CYP4F8: variants seen among roughly 807,000 people sequenced by gnomAD.
The protein encoded by CYP4F8 is cytochrome P450 family 4 subfamily F member 8, also known as cytochrome P450 4F8.
A neutral mutation model predicts 55.0 loss-of-function variants in CYP4F8; 56 were observed. The observed-to-expected ratio is 1.02, with a 90% CI of 0.82 to 1.27. CYP4F8 has a LOEUF of 1.27. Ranked by LOEUF, CYP4F8 falls within the 50% of genes most tolerant of loss-of-function variation. The pLI, the probability that CYP4F8 is intolerant of heterozygous loss-of-function variation, is 0.00. For missense variants in CYP4F8, 680 were observed against 682.4 expected, an observed-to-expected ratio of 1.00 and a Z score of 0.04; for synonymous variants, 288 against 267.3, an observed-to-expected ratio of 1.08 and a Z score of -0.76.
intron 2 of CYP4F8, among the ~76,000 whole-genome samples, chr19:15,616,041 C>T (rs1972114198): frequency 1.4e-5 from 2 of 142,970 alleles, no homozygotes; most frequent in Admixed American, 7.0e-5. Context: ...CATTCCTCTG[C>T]GCACTCACTC....
chr19:15,629,191 A>G lies in CYP4F8; in HGVS notation c.1398-2A>G. ...AGTCAGACCTTCCACCTTGGCCCCC[A>G]GGAACTGCATCGGGCAGAAGTTCGC... On this transcript the variant is annotated splice_acceptor_variant, in intron 12 of 12. Transcript: ENST00000612078. LOFTEE classifies it high-confidence loss of function. 6.2e-7 allele frequency: 1 copy of G among 1,603,536 alleles called. No homozygotes were observed. Among genetic ancestry groups the G allele is most frequent in the Non-Finnish European group, 8.5e-7 (1 of 1,175,052 alleles).
At chr19:15,622,808 G>C in intron 6 of CYP4F8, 1 of 476,904 alleles carries the variant, frequency 2.1e-6, no homozygotes, top group South Asian at 2.2e-5. Flanking sequence ...AAGGATGCCA[G>C]GGAGAGGAGG....
rs1568380994 is a variant in CYP4F8 at position 15,616,274 on chromosome 19, G to GCTCACTCATTCCTCTCCTCA, written c.198+479_198+480insACTCACTCATTCCTCTCCTC. ...TCCTCGCTCACTCATTCCTCTCCTC[G>GCTCACTCATTCCTCTCCTCA]CTCACTCATTCCTCTCCTCGCTCAC... On this transcript the variant is annotated intron_variant, in intron 2 of 12. Transcript: ENST00000612078. Among the ~76,000 whole-genome samples, 73 of 115,134 alleles carry GCTCACTCATTCCTCTCCTCA rather than the reference G, an allele frequency of 6.3e-4. 1 individual carries two copies. The highest frequency in any genetic ancestry group is 1.3e-3 in the Non-Finnish European group (69 of 54,612). The allele number at this position is 115,134 out of a possible 152,430, so 75.5% of individuals were successfully genotyped here.
At chr19:15,619,215 T>C in intron 3 of CYP4F8, 1 of 421,598 alleles carries the variant, frequency 2.4e-6, no homozygotes. Flanking sequence ...TGCTTGGGTG[T>C]TGCAGAACAT....
chr19:15,628,893 T>A, intron 12 of CYP4F8, 50 bp downstream of exon 12: 1 of 1,521,846 alleles, frequency 6.6e-7, no homozygotes, highest in South Asian at 1.2e-5. Context: ...GTGGCACAGA[T>A]GGCTGCCTTG....
chr19:15,619,232 C>T, intron 3 of CYP4F8: 1 of 462,756 alleles, frequency 2.2e-6, no homozygotes, highest in Non-Finnish European at 3.9e-6. Flanking sequence ...ACATGTTGGA[C>T]CATGTAGGAG....
chr19:15,622,382 G>C (rs547414339), intron 6 of CYP4F8, 42 bp downstream of exon 6: 4 of 1,593,666 alleles, frequency 2.5e-6, no homozygotes, highest in South Asian at 2.2e-5. Flanking sequence ...GATGGAGTGG[G>C]GGTGTGGGTG....
chr19:15,629,542 T>C lies in CYP4F8; in HGVS notation c.*184T>C, dbSNP rs1046048609. On this transcript the variant is annotated 3_prime_UTR_variant, in exon 13 of 13. Transcript: ENST00000612078. ...GGGAAGAGGCGGGGAGATGTCTCTG[T>C]GCCCAAGATACTCACTGCCTCTCTG... is the stretch of plus-strand genomic sequence containing the variant. The C allele has an allele frequency of 9.8e-6, 8 of 814,926 alleles. No homozygotes were observed. Among genetic ancestry groups the C allele is most frequent in the African/African-American group, 1.8e-5 (1 of 57,100 alleles). 50.5% of individuals were successfully genotyped at this position (814,926 alleles called of 1,614,324 possible).
intron 2 of CYP4F8, among the ~76,000 whole-genome samples, chr19:15,616,414 C>T (rs1044443673): frequency 1.3e-5 from 2 of 152,190 alleles, no homozygotes; most frequent in African/African-American, 4.8e-5. Flanking sequence ...TGACTGTTTT[C>T]AGTACACTAG....
chr19:15,627,739 A>C (rs1160879757), intron 9 of CYP4F8: 1 of 152,606 alleles, frequency 6.6e-6, no homozygotes, highest in East Asian at 1.9e-4. Flanking sequence ...ATATAATTTT[A>C]AATACTTTTT....
At position 15,622,284 on chromosome 19, in the gene CYP4F8, T is replaced by C. The variant is rs1340984344; in HGVS notation, c.591T>C (p.Leu197=). 1.2e-6 allele frequency: 2 copies of C among 1,613,410 alleles called. No homozygotes were observed. Among genetic ancestry groups the C allele is most frequent in the African/African-American group, 2.7e-5 (2 of 74,844 alleles). Residue 197 remains leucine, a synonymous_variant, in exon 6 of 13, where the codon CTT becomes CTC. Coordinates refer to ENST00000612078, the MANE Select transcript of CYP4F8 (RefSeq NM_007253.4). ...TGGATGTGTTTGAGCACATCAGCCTTATGACCCTGGACAGTCTGCAGAAAT... is the reference window on the plus strand; with the variant it reads ...TGGATGTGTTTGAGCACATCAGCCTCATGACCCTGGACAGTCTGCAGAAAT... ...TCLDVFEHIS[L]MTLDSLQKCI... is the part of the protein sequence containing the mutation.
At chr19:15,616,935 CAAAAGG>C (rs879514142) in intron 2 of CYP4F8, among the ~76,000 whole-genome samples, 2 of 115,816 alleles carry the variant, frequency 1.7e-5, no homozygotes, top group Non-Finnish European at 4.2e-5. Context: ...GCTTGATGTG[CAAAAGG>C]TGCTCCCTGG....
chr19:15,619,373 C>T, intron 3 of CYP4F8, 117 bp from the exon 4 acceptor site: 1 of 1,263,882 alleles, frequency 7.9e-7, no homozygotes, highest in East Asian at 2.5e-5. Flanking sequence ...GGCCTCCTTC[C>T]TGCTATGCTG....
chr19:15,626,196 T>TATC (rs1345233967), intron 9 of CYP4F8, among the ~76,000 whole-genome samples: 1 of 152,234 alleles, frequency 6.6e-6, no homozygotes, highest in Non-Finnish European at 1.5e-5. Context: ...CATATCTCTT[T>TATC]ATCTGCATGT....
rs1355260268 is a variant in CYP4F8, at chr19:15,615,558, C to T, written c.-1-58C>T. On this transcript the variant is annotated intron_variant, in intron 1 of 12. Transcript: ENST00000612078. ...TGTTTACCCATCATTGGTCCTGGAG[C>T]TCCCCAGCCCCTTTCCTAGGCCTCA... 4 of 1,558,352 alleles carry T rather than the reference C, an allele frequency of 2.6e-6. No individual in the cohort carries two copies. In the African/African-American group the frequency reaches 4.1e-5, roughly 16 times the overall value.
At chr19:15,620,966 G>A (rs1972186204) in intron 5 of CYP4F8, among the ~76,000 whole-genome samples, 1 of 152,098 alleles carries the variant, frequency 6.6e-6, no homozygotes, top group Non-Finnish European at 1.5e-5. Flanking sequence ...AGACTTCTGG[G>A]TCAAAGACAA....
At chr19:15,619,361 A>C in intron 3 of CYP4F8, 129 bp from the exon 4 acceptor site, 23 of 1,080,986 alleles carry the variant, frequency 2.1e-5, no homozygotes, top group Non-Finnish European at 2.8e-5. Context: ...TCTTCTGCCC[A>C]TGGCCTCCTT....
intron 5 of CYP4F8, among the ~76,000 whole-genome samples, chr19:15,620,112 A>G (rs2176918): frequency 0.47 from 71,053 of 152,056 alleles, 17,332 homozygotes; most frequent in Non-Finnish European, 0.54. Context: ...TATATTTGCT[A>G]ACAAATCTGT....
intron 3 of CYP4F8, chr19:15,618,588 A>ATT: frequency 2.0e-5 from 6 of 298,324 alleles, no homozygotes; most frequent in South Asian, 8.8e-5. Flanking sequence ...ATGAGTGATA[A>ATT]TTTTTTTTTT....
Sources: gnomAD v4.1 joint callset for allele counts (sites outside exome capture counted in the v4.1 genomes callset) on GRCh38, gnomAD v4.1.1 for gene constraint, MANE v1.5 for transcripts, NCBI Gene and HGNC (gene_info 2026-07-23, HGNC 2026-07-21) for gene names.